The following TSPAN14 variants were observed in gnomAD, a reference collection of about 807,000 sequenced individuals.
TSPAN14 encodes tetraspanin 14.
In TSPAN14, 16 loss-of-function variants were observed where a neutral mutation model predicts 36.6. The observed-to-expected ratio is 0.44, with a 90% CI of 0.30 to 0.66. TSPAN14 has a LOEUF of 0.66. TSPAN14 is among the 30% of genes least tolerant of loss of function. TSPAN14 has a pLI of 0.12. For missense variants in TSPAN14, 231 were observed against 355.1 expected (o/e 0.65, Z 2.81); for synonymous variants, 139 against 143.8 (o/e 0.97, Z 0.24).
intron 1 of TSPAN14, among the ~76,000 whole-genome samples, chr10:80,466,201 C>T (rs1846236290): frequency 6.6e-6 from 1 of 152,214 alleles, no homozygotes. Context: ...CCAAGTCTTA[C>T]AAATCAAGAA....
At chr10:80,499,536 G>T (rs886555670) in intron 2 of TSPAN14, among the ~76,000 whole-genome samples, 3 of 152,134 alleles carry the variant, frequency 2.0e-5, no homozygotes, top group Non-Finnish European at 4.4e-5. Flanking sequence ...TTGTGTGAGT[G>T]CCCGTGTGTG....
chr10:80,504,644 C>A, intron 2 of TSPAN14, 84 bp from the exon 3 acceptor site: 2 of 1,528,498 alleles, frequency 1.3e-6, no homozygotes, highest in Non-Finnish European at 1.8e-6. Context: ...CCCTACCTGG[C>A]AGTGTGGACT....
Position 80,509,291 on chromosome 10 carries a change from T to G in TSPAN14, c.280-10T>G. The G allele has an allele frequency of 6.2e-7, 1 of 1,612,372 alleles. No homozygotes were observed. The highest frequency in any genetic ancestry group is 8.5e-7 in the Non-Finnish European group (1 of 1,179,306). ...GTGGTGACTTCTGCTCCCGTCCCCT[T>G]CCCCTGCAGTTCTGTGGCACCATCG... is the stretch of plus-strand genomic sequence containing the variant. On this transcript the variant is annotated splice_polypyrimidine_tract_variant and intron_variant, in intron 4 of 8. Transcript: ENST00000429989. This position sits in a 1 kb window ranked among gnomAD's most constrained non-coding sequence, Gnocchi z 4.7.
intron 1 of TSPAN14, among the ~76,000 whole-genome samples, chr10:80,478,010 G>C (rs531632114): frequency 1.3e-5 from 2 of 152,268 alleles, no homozygotes; most frequent in South Asian, 4.1e-4. Flanking sequence ...AGAGCTTCCA[G>C]CTGGTTCCTG....
intron 2 of TSPAN14, among the ~76,000 whole-genome samples, chr10:80,494,114 T>C (rs769755594): frequency 7.2e-5 from 11 of 152,230 alleles, no homozygotes; most frequent in Non-Finnish European, 1.5e-4. Flanking sequence ...AGGAAAGTCC[T>C]TTGCTTGCCT....
At chr10:80,517,777 A>C in intron 8 of TSPAN14, 128 bp from the exon 9 acceptor site, 1 of 882,860 alleles carries the variant, frequency 1.1e-6, no homozygotes. Context: ...TGCTGTCTCT[A>C]CGTCTTCAGT....
rs116058789 is a variant in TSPAN14, at chr10:80,500,543, G to A, written c.82-4185G>A. On this transcript the variant is annotated intron_variant, in intron 2 of 8. Transcript: ENST00000429989. The stretch of plus-strand genomic sequence containing the variant: ...GGGGTTTCTCCATGTTGGTGAGGCC[G>A]GTCTCAAACTCTTGACCTCAGGTGA... Among the ~76,000 whole-genome samples, 1,300 of 151,878 alleles carry A rather than the reference G, an allele frequency of 8.6e-3. 26 individuals are homozygous for A. Among genetic ancestry groups the A allele is most frequent in the African/African-American group, 0.03 (1,222 of 41,418 alleles).
intron 1 of TSPAN14, among the ~76,000 whole-genome samples, chr10:80,462,932 T>A (rs898345059): frequency 1.3e-5 from 2 of 152,162 alleles, no homozygotes; most frequent in South Asian, 2.1e-4. Context: ...CCGGGATGCC[T>A]GGGTTTCAGT....
At chr10:80,513,140 C>T (rs1198266021) in intron 6 of TSPAN14, among the ~76,000 whole-genome samples, 1 of 152,192 alleles carries the variant, frequency 6.6e-6, no homozygotes, top group Non-Finnish European at 1.5e-5. Flanking sequence ...TCAAAGCGAT[C>T]TGCCCATCTT....
chr10:80,489,241 A>G (rs1847792946), exon 2 of TSPAN14: 1 of 1,581,846 alleles, frequency 6.3e-7, no homozygotes, highest in Non-Finnish European at 8.6e-7. Context: ...AAGATGCACT[A>G]TTATAGATAC....
exon 9 of TSPAN14, chr10:80,519,699 G>A (rs1841151909): frequency 6.6e-6 from 1 of 152,404 alleles, no homozygotes; most frequent in African/African-American, 2.4e-5. Context: ...GGTAAACGCG[G>A]CTGCCAGAGG....
At chr10:80,514,254 G>A (rs1840813358) in intron 7 of TSPAN14, among the ~76,000 whole-genome samples, 191 bp downstream of exon 7, 1 of 152,216 alleles carries the variant, frequency 6.6e-6, no homozygotes, top group African/African-American at 2.4e-5. Context: ...GGACTCCTGG[G>A]AGCAGTAATG....
intron 1 of TSPAN14, chr10:80,485,761 C>A (rs772106929): frequency 2.4e-6 from 2 of 838,778 alleles, no homozygotes; most frequent in African/African-American, 3.7e-5. Flanking sequence ...AAGCGGGGAG[C>A]GGAGAAGGAA....
chr10:80,500,284 A>C (rs1423798822), intron 2 of TSPAN14, among the ~76,000 whole-genome samples: 1 of 147,356 alleles, frequency 6.8e-6, no homozygotes, highest in Non-Finnish European at 1.5e-5. Flanking sequence ...CTTCCTTTAA[A>C]ACAGAATGAA....
At chr10:80,494,062 A>G (rs1848060784) in intron 2 of TSPAN14, among the ~76,000 whole-genome samples, 1 of 152,340 alleles carries the variant, frequency 6.6e-6, no homozygotes, top group South Asian at 2.1e-4. Context: ...AAAAGTGAAG[A>G]ACTGAGACCC....
chr10:80,472,404 G>A (rs568402435), intron 1 of TSPAN14, among the ~76,000 whole-genome samples: 5 of 152,148 alleles, frequency 3.3e-5, no homozygotes, highest in African/African-American at 1.2e-4. Flanking sequence ...AGTCATTACC[G>A]GTGATATTGA....
In TSPAN14 at chr10:80,480,782, C is replaced by T. The variant is rs61861571; in HGVS notation, c.-17-8435C>T. On this transcript the variant is annotated intron_variant, in intron 1 of 8. Transcript: ENST00000429989. ...ACGTCACACTCTGGGGACTGTTGTG[C>T]GGTGGGGGGAGGAGGGAGGGATAAC... 1.4e-4 allele frequency among the ~76,000 whole-genome samples: 20 copies of T among 138,366 alleles called. No homozygotes were observed. In the East Asian group the frequency reaches 1.7e-3, roughly 12 times the overall value. 90.8% of individuals were successfully genotyped at this position (138,366 alleles called of 152,430 possible). A position where few individuals can be genotyped will look rare whatever the true frequency, so the allele number is the denominator to read the frequency against.
intron 1 of TSPAN14, among the ~76,000 whole-genome samples, chr10:80,455,251 A>AT (rs1385130384): frequency 6.6e-6 from 1 of 152,056 alleles, no homozygotes; most frequent in Non-Finnish European, 1.5e-5. Flanking sequence ...AGTCCGTGCT[A>AT]GGGGGAGTCG....
intron 2 of TSPAN14, among the ~76,000 whole-genome samples, chr10:80,500,571 C>T (rs770928233): frequency 5.3e-5 from 8 of 152,052 alleles, no homozygotes; most frequent in Admixed American, 1.3e-4. Flanking sequence ...TCAGGTGATC[C>T]GCCTCCCAAA....
Sources: allele counts gnomAD v4.1 joint callset (sites outside exome capture counted in the v4.1 genomes callset), GRCh38; gene constraint gnomAD v4.1.1; non-coding constraint Gnocchi (gnomAD v3.1); transcripts MANE v1.5; gene names NCBI Gene and HGNC (gene_info 2026-07-23, HGNC 2026-07-21).